Variants in KANK1 observed in about 807,000 individuals in gnomAD.
KANK1 encodes the protein KN motif and ankyrin repeat domains 1, also known as KN motif and ankyrin repeat domain-containing protein 1.
In KANK1, 109 loss-of-function variants were observed where a neutral mutation model predicts 106.2. That is an observed-to-expected ratio of 1.03 (90% CI 0.88 to 1.20). The LOEUF is 1.20. KANK1 is among the 50% of genes most tolerant of loss of function. KANK1 has a pLI of 0.00. For synonymous variants in KANK1, 873 were observed against 652.2 expected (o/e 1.34, Z -5.16); for missense variants, 2,399 against 1,710.7 (o/e 1.40, Z -7.10).
At chr9:478,566 A>G (rs1316248504) in intron 3 of KANK1, 1 of 152,286 alleles carries the variant, frequency 6.6e-6, no homozygotes, top group East Asian at 1.9e-4. Flanking sequence ...CATAAGGACC[A>G]GTGTATACAA....
At chr9:507,081 C>T (rs898293150) in intron 1 of KANK1, among the ~76,000 whole-genome samples, 1 of 151,132 alleles carries the variant, frequency 6.6e-6, no homozygotes, top group Non-Finnish European at 1.5e-5. Flanking sequence ...AACTTGTTTT[C>T]AAGTGTTTCG....
chr9:568,948 G>T (rs1818499130), intron 1 of KANK1, among the ~76,000 whole-genome samples: 2 of 152,134 alleles, frequency 1.3e-5, no homozygotes, highest in African/African-American at 4.8e-5. Flanking sequence ...CACTCATCGG[G>T]GTATATTTGA....
intron 2 of KANK1, among the ~76,000 whole-genome samples, chr9:703,469 G>A (rs911546895): frequency 6.6e-6 from 1 of 152,066 alleles, no homozygotes; most frequent in African/African-American, 2.4e-5. Context: ...TTTATATAAT[G>A]AAAGTAGAGG....
chr9:617,759 G>A (rs775031066), intron 1 of KANK1, among the ~76,000 whole-genome samples: 8 of 152,198 alleles, frequency 5.3e-5, no homozygotes, highest in Non-Finnish European at 1.2e-4. Context: ...AGTTTGTGAC[G>A]CGTGCATGTG....
intron 10 of KANK1, among the ~76,000 whole-genome samples, chr9:742,815 C>T (rs1273395512): frequency 6.6e-6 from 1 of 152,164 alleles, no homozygotes. Flanking sequence ...AAACCAGTTC[C>T]TACTATAGTG....
chr9:516,630 G>A (rs554460839), intron 1 of KANK1, among the ~76,000 whole-genome samples: 10 of 151,658 alleles, frequency 6.6e-5, no homozygotes, highest in African/African-American at 2.2e-4. Flanking sequence ...ATGTGGGTGC[G>A]AAGTGCAGTG....
At position 742,346 on chromosome 9, in the gene KANK1, G is replaced by T; in HGVS notation, c.3838G>T (p.Val1280Leu). 6.2e-7 allele frequency: 1 copy of T among 1,614,162 alleles called. No homozygotes were observed. The highest frequency in any genetic ancestry group is 8.5e-7 in the Non-Finnish European group (1 of 1,180,024). Residue 1280 changes from valine to leucine, a missense_variant, in exon 10 of 12, where the codon GTG (valine) becomes TTG (leucine). Coordinates refer to ENST00000382297, the MANE Select transcript of KANK1 (RefSeq NM_015158.5). ...ALMCASEHGH[V>L]EIVKLLLAQP... ...CATGTGTGCCAGCGAGCACGGACAC[G>T]TGGAGATTGTCAAGCTGCTGCTGGC... is the stretch of plus-strand genomic sequence containing the variant.
chr9:683,356 G>C (rs72693403), intron 2 of KANK1, among the ~76,000 whole-genome samples: 28,573 of 152,062 alleles, frequency 0.19, 3,019 homozygotes, highest in East Asian at 0.32. Context: ...TAAACACATA[G>C]GTAGGAGCCT....
chr9:558,533 G>A (rs1194084300), intron 1 of KANK1, among the ~76,000 whole-genome samples: 1 of 152,166 alleles, frequency 6.6e-6, no homozygotes, highest in East Asian at 1.9e-4. Flanking sequence ...TCATGGCGAA[G>A]AGCACTGTAT....
intron 1 of KANK1, among the ~76,000 whole-genome samples, chr9:592,278 C>T (rs965534212): frequency 6.6e-6 from 1 of 151,924 alleles, no homozygotes; most frequent in Non-Finnish European, 1.5e-5. Context: ...ACTTAGGCCT[C>T]AGAACCTGGC....
chr9:680,485 A>C (rs1020513389), intron 2 of KANK1, among the ~76,000 whole-genome samples: 1 of 152,222 alleles, frequency 6.6e-6, no homozygotes, highest in African/African-American at 2.4e-5. Flanking sequence ...TCAGACATAC[A>C]AAATGTGTGA....
chr9:673,289 C>G (rs982986260), intron 1 of KANK1, among the ~76,000 whole-genome samples: 1 of 149,148 alleles, frequency 6.7e-6, no homozygotes, highest in East Asian at 2.0e-4. Context: ...CGGCTCACCG[C>G]AACCTCTGCC....
chr9:524,166 C>T (rs894321248), intron 1 of KANK1, among the ~76,000 whole-genome samples: 4 of 151,756 alleles, frequency 2.6e-5, no homozygotes, highest in Non-Finnish European at 5.9e-5. Flanking sequence ...CTTTGGCTAC[C>T]AGGATGCCAG....
chr9:573,844 C>A (rs1819847536), intron 1 of KANK1, among the ~76,000 whole-genome samples: 1 of 151,768 alleles, frequency 6.6e-6, no homozygotes, highest in South Asian at 2.1e-4. Context: ...TTACAAGATT[C>A]ATACACACTT....
At chr9:620,544 G>C (rs1462709912) in intron 1 of KANK1, among the ~76,000 whole-genome samples, 1 of 151,554 alleles carries the variant, frequency 6.6e-6, no homozygotes, top group African/African-American at 2.4e-5. Context: ...CTGGGATTAC[G>C]GGCGCCTGCC....
intron 9 of KANK1, 114 bp downstream of exon 9, chr9:741,048 G>A: frequency 8.4e-7 from 1 of 1,187,444 alleles, no homozygotes; most frequent in Non-Finnish European, 1.2e-6. Context: ...CAGTGCACTT[G>A]TTTGCAGGCC....
intron 3 of KANK1, among the ~76,000 whole-genome samples, chr9:722,928 C>T (rs1020146117): frequency 2.6e-5 from 4 of 152,050 alleles, no homozygotes; most frequent in South Asian, 4.2e-4. Context: ...GAATCTGGAC[C>T]GTAAGTGCTA....
chr9:626,372 T>G (rs768157152), intron 1 of KANK1, among the ~76,000 whole-genome samples: 9 of 152,188 alleles, frequency 5.9e-5, no homozygotes, highest in Admixed American at 2.6e-4. Flanking sequence ...GGAGAATTGC[T>G]TGAATTCAGG....
At chr9:470,309 G>A (rs1286591953) in exon 1 of KANK1, 1 of 152,272 alleles carries the variant, frequency 6.6e-6, no homozygotes, top group Admixed American at 6.5e-5. Flanking sequence ...GTGTTTCGGG[G>A]CGTCCGAAGC....
Sources: gnomAD v4.1 joint callset for allele counts (sites outside exome capture counted in the v4.1 genomes callset) on GRCh38, gnomAD v4.1.1 for gene constraint, MANE v1.5 for transcripts, NCBI Gene and HGNC (gene_info 2026-07-23, HGNC 2026-07-21) for gene names.